The following LIN7A variants were observed in gnomAD, a reference collection of about 807,000 sequenced individuals.
LIN7A encodes lin-7 cell polarity scaffold A, also known as protein lin-7 homolog A.
In LIN7A, 25 loss-of-function variants were observed where a neutral mutation model predicts 29.8. That is an observed-to-expected ratio of 0.84 (90% CI 0.61 to 1.17). The LOEUF (loss-of-function observed/expected upper bound fraction) is 1.17, where lower values mean the gene tolerates loss of function less well. Ranked by LOEUF, LIN7A falls within the 50% of genes most tolerant of loss-of-function variation. LIN7A has a pLI of 0.00. For missense variants in LIN7A, 239 were observed against 287.0 expected, an observed-to-expected ratio of 0.83 and a Z score of 1.21; for synonymous variants, 118 against 107.5, an observed-to-expected ratio of 1.10 and a Z score of -0.60.
chr12:80,908,954 G>A lies in LIN7A; in HGVS notation c.83-19585C>T, dbSNP rs548579047. Among the ~76,000 whole-genome samples the A allele has an allele frequency of 2.2e-4, 33 of 151,758 alleles. No homozygotes were observed. The South Asian group carries it at 6.7e-3, about 31-fold the overall frequency. ...AATCTCGTCTTTTAATTTTCTTAATGTTATCTTTTAAAGACTAATACTTTT... is the reference window on the plus strand; with the variant it reads ...AATCTCGTCTTTTAATTTTCTTAATATTATCTTTTAAAGACTAATACTTTT... On this transcript the variant is annotated intron_variant, in intron 1 of 5. Coordinates refer to ENST00000552864, the MANE Select transcript of LIN7A (RefSeq NM_004664.4).
intron 1 of LIN7A, among the ~76,000 whole-genome samples, chr12:80,898,218 T>C (rs1371677253): frequency 6.6e-6 from 1 of 152,244 alleles, no homozygotes; most frequent in Non-Finnish European, 1.5e-5. Flanking sequence ...GCACCATTTA[T>C]TGAATACAAA....
At chr12:80,877,959 C>G (rs1041647958) in intron 2 of LIN7A, among the ~76,000 whole-genome samples, 3 of 152,028 alleles carry the variant, frequency 2.0e-5, no homozygotes, top group Non-Finnish European at 4.4e-5. Context: ...AGAATGTTCA[C>G]TCTATCTGAC....
chr12:80,847,365 TAAACAAAACA>T (rs897729825), intron 3 of LIN7A, among the ~76,000 whole-genome samples: 1 of 152,052 alleles, frequency 6.6e-6, no homozygotes, highest in African/African-American at 2.4e-5. Flanking sequence ...TCCCTGAGTT[TAAACAAAACA>T]AAACAAAACA....
rs889498040 is a variant in LIN7A at position 80,811,546 on chromosome 12, C to G, written c.621G>C (p.Arg207Ser). 1.2e-6 allele frequency: 2 copies of G among 1,613,776 alleles called. No homozygotes were observed. The highest frequency in any genetic ancestry group is 1.7e-6 in the Non-Finnish European group (2 of 1,179,862). The change falls in exon 5 of 6, where the codon AGG (arginine) becomes AGC (serine). Residue 207 changes from arginine (R) to serine (S), a missense_variant. Coordinates refer to ENST00000552864, the MANE Select transcript of LIN7A (RefSeq NM_004664.4). ...EARFEKLRTA[R>S]RRQQQQLLIQ... ...TTAGCAATTGCTGCTGCTGCCGACG[C>G]CTGGCTGTTCGTAGCTTTTCAAAGC...
At chr12:80,907,888 A>T (rs945033254) in intron 1 of LIN7A, among the ~76,000 whole-genome samples, 1 of 152,196 alleles carries the variant, frequency 6.6e-6, no homozygotes, top group African/African-American at 2.4e-5. Context: ...CCAAATTTAA[A>T]TTCTTCTGTG....
intron 1 of LIN7A, among the ~76,000 whole-genome samples, chr12:80,920,661 G>GA (rs1877254993): frequency 6.6e-6 from 1 of 152,096 alleles, no homozygotes; most frequent in Non-Finnish European, 1.5e-5. Context: ...TTTACAAAGA[G>GA]AAAATCTCAT....
intron 5 of LIN7A, among the ~76,000 whole-genome samples, chr12:80,807,963 T>G (rs1457753250): frequency 6.6e-6 from 1 of 152,220 alleles, no homozygotes; most frequent in African/African-American, 2.4e-5. Flanking sequence ...ATGTCTCTCC[T>G]GTGCTTAAAA....
intron 2 of LIN7A, among the ~76,000 whole-genome samples, chr12:80,856,497 T>C (rs1873605996): frequency 6.6e-6 from 1 of 152,158 alleles, no homozygotes; most frequent in Admixed American, 6.6e-5. Context: ...GTGGTAACTG[T>C]GCCATGTGAA....
intron 4 of LIN7A, among the ~76,000 whole-genome samples, chr12:80,829,449 C>G (rs540096893): frequency 2.4e-4 from 37 of 152,236 alleles, no homozygotes; most frequent in African/African-American, 7.9e-4. Context: ...CAGCATATCA[C>G]TTATACGGCA....
intron 1 of LIN7A, among the ~76,000 whole-genome samples, chr12:80,926,382 A>G (rs1037371150): frequency 1.3e-5 from 2 of 151,882 alleles, no homozygotes; most frequent in Admixed American, 6.6e-5. Context: ...TTACTTTTCC[A>G]TCAATTTTTA....
At chr12:80,912,286 T>C (rs1876788781) in intron 1 of LIN7A, among the ~76,000 whole-genome samples, 3 of 152,176 alleles carry the variant, frequency 2.0e-5, no homozygotes, top group Admixed American at 2.0e-4. Context: ...AAAGGCATTA[T>C]GTTCTTCTCA....
chr12:80,868,712 A>G (rs1460282073), intron 2 of LIN7A, among the ~76,000 whole-genome samples: 1 of 152,214 alleles, frequency 6.6e-6, no homozygotes, highest in Non-Finnish European at 1.5e-5. Context: ...ATTAATTCAG[A>G]AACCAGGAAT....
intron 3 of LIN7A, among the ~76,000 whole-genome samples, chr12:80,846,712 C>T (rs1261271265): frequency 6.6e-6 from 1 of 152,028 alleles, no homozygotes; most frequent in Non-Finnish European, 1.5e-5. Context: ...CCTAGATATA[C>T]AAAACATCAT....
intron 5 of LIN7A, among the ~76,000 whole-genome samples, chr12:80,801,835 C>G (rs983134087): frequency 6.6e-6 from 1 of 151,896 alleles, no homozygotes; most frequent in Admixed American, 6.6e-5. Flanking sequence ...TTTCTTTCCC[C>G]GATCACCCTT....
At position 80,794,093 on chromosome 12, in the gene LIN7A, G is replaced by A. The variant is rs1171754806; in HGVS notation, c.*3634C>T. ...AGACTCAAAATATGGTTCTAACCAT[G>A]AAACTTAGAAATCATAGTGACAATC... On this transcript the variant is annotated 3_prime_UTR_variant, in exon 6 of 6. Transcript: ENST00000552864. 1.3e-5 allele frequency: 2 copies of A among 152,126 alleles called. No individual in the cohort carries two copies. Among genetic ancestry groups the A allele is most frequent in the Non-Finnish European group, 2.9e-5 (2 of 68,000 alleles). 9.4% of individuals were successfully genotyped at this position (152,126 alleles called of 1,614,324 possible).
chr12:80,833,692 A>G (rs1048856577), intron 4 of LIN7A, among the ~76,000 whole-genome samples: 1 of 152,114 alleles, frequency 6.6e-6, no homozygotes, highest in Non-Finnish European at 1.5e-5. Context: ...GTTGTTTCTT[A>G]TATGTTTCTG....
intron 4 of LIN7A, chr12:80,841,822 T>C (rs2121542249): frequency 1.1e-6 from 1 of 907,186 alleles, no homozygotes; most frequent in Non-Finnish European, 1.3e-6. Context: ...AGAAAACACT[T>C]GAGCATAAAA....
intron 4 of LIN7A, among the ~76,000 whole-genome samples, chr12:80,831,640 C>A (rs1271323185): frequency 2.0e-5 from 3 of 152,046 alleles, no homozygotes; most frequent in African/African-American, 7.2e-5. Flanking sequence ...ATATTTGAAG[C>A]AATTACAAAT....
At chr12:80,883,235 A>T (rs910071254) in intron 2 of LIN7A, among the ~76,000 whole-genome samples, 4 of 152,020 alleles carry the variant, frequency 2.6e-5, no homozygotes, top group African/African-American at 9.7e-5. Context: ...TGAGCCAAGT[A>T]TGTATTTTCT....
Sources: gnomAD v4.1 joint callset for allele counts (sites outside exome capture counted in the v4.1 genomes callset) on GRCh38, gnomAD v4.1.1 for gene constraint, MANE v1.5 for transcripts, NCBI Gene and HGNC (gene_info 2026-07-23, HGNC 2026-07-21) for gene names.